The following PTPRD variants were observed in gnomAD, a reference collection of about 807,000 sequenced individuals.
PTPRD encodes protein tyrosine phosphatase receptor type D, also known as receptor-type tyrosine-protein phosphatase delta.
In PTPRD, 34 loss-of-function variants were observed where a neutral mutation model predicts 214.5. The ratio of observed to expected loss-of-function variants is 0.16; its 90% CI spans 0.12 to 0.21. The LOEUF (loss-of-function observed/expected upper bound fraction) is 0.21, where lower values mean the gene tolerates loss of function less well. PTPRD is among the 10% of genes least tolerant of loss of function. The probability of loss-of-function intolerance (pLI) is 1.00; values close to 1 mark genes in which losing one functional copy is unlikely to be tolerated. For synonymous variants in PTPRD, 1,128 were observed against 845.7 expected (o/e 1.33, Z -5.79); for missense variants, 2,545 against 2,398.7 (o/e 1.06, Z -1.27).
intron 4 of PTPRD, among the ~76,000 whole-genome samples, chr9:9,946,924 A>G (rs1264368838): frequency 1.3e-5 from 2 of 152,064 alleles, no homozygotes; most frequent in Non-Finnish European, 2.9e-5. Flanking sequence ...TATCATTTTT[A>G]CAATGCAAAT....
At chr9:9,819,973 T>G (rs2761757) in intron 5 of PTPRD, among the ~76,000 whole-genome samples, 35,192 of 152,066 alleles carry the variant, frequency 0.23, 5,057 homozygotes, top group African/African-American at 0.4. Context: ...CGTGTCTTTT[T>G]GGTAGAACAG....
chr9:8,890,073 T>C (rs2098525620), intron 11 of PTPRD, among the ~76,000 whole-genome samples: 1 of 152,162 alleles, frequency 6.6e-6, no homozygotes, highest in Non-Finnish European at 1.5e-5. Context: ...TTGCATTCCC[T>C]CCAGTAGTGT....
At chr9:10,024,059 A>G (rs190918588) in intron 4 of PTPRD, among the ~76,000 whole-genome samples, 110 of 152,252 alleles carry the variant, frequency 7.2e-4, no homozygotes, top group African/African-American at 2.6e-3. Flanking sequence ...TATATTTTCA[A>G]TCATTTTTAG....
intron 4 of PTPRD, among the ~76,000 whole-genome samples, chr9:9,984,403 T>C (rs1266203578): frequency 6.6e-6 from 1 of 152,154 alleles, no homozygotes; most frequent in Non-Finnish European, 1.5e-5. Context: ...CAGACCTTAT[T>C]GGAGAAGATG....
At chr9:9,717,725 C>G (rs1008331028) in intron 7 of PTPRD, among the ~76,000 whole-genome samples, 19 of 152,144 alleles carry the variant, frequency 1.2e-4, no homozygotes, top group African/African-American at 4.6e-4. Context: ...GAATACCAAG[C>G]CAGATTTCTG....
intron 11 of PTPRD, among the ~76,000 whole-genome samples, chr9:8,808,582 G>A (rs2096736057): frequency 1.3e-5 from 2 of 150,280 alleles, no homozygotes; most frequent in African/African-American, 4.9e-5. Context: ...GTTAATCCTG[G>A]CCCACTGTAT....
intron 12 of PTPRD, among the ~76,000 whole-genome samples, chr9:8,728,944 C>T (rs1297894941): frequency 1.3e-5 from 2 of 152,144 alleles, no homozygotes; most frequent in Admixed American, 1.3e-4. Context: ...CACACCACTG[C>T]ACTCCAGCCT....
intron 2 of PTPRD, among the ~76,000 whole-genome samples, chr9:10,503,213 A>AAAAC (rs1555437451): frequency 1.3e-4 from 20 of 149,580 alleles, no homozygotes; most frequent in African/African-American, 4.9e-4. Context: ...AAAAACAAAA[A>AAAAC]AAAACACCAT....
At chr9:9,307,616 G>A (rs1957540350) in intron 9 of PTPRD, among the ~76,000 whole-genome samples, 1 of 151,854 alleles carries the variant, frequency 6.6e-6, no homozygotes. Flanking sequence ...ATTATTTCTT[G>A]ACTACCCCAG....
At chr9:9,057,824 G>T (rs1178606570) in intron 10 of PTPRD, among the ~76,000 whole-genome samples, 1 of 152,086 alleles carries the variant, frequency 6.6e-6, no homozygotes, top group East Asian at 1.9e-4. Flanking sequence ...GCATGCTTCT[G>T]AGTAGCTGTT....
chr9:9,303,615 T>C (rs1234616466), intron 9 of PTPRD, among the ~76,000 whole-genome samples: 2 of 152,086 alleles, frequency 1.3e-5, no homozygotes, highest in Non-Finnish European at 2.9e-5. Context: ...CATCTACAAT[T>C]AGATTCAAGA....
At chr9:9,114,159 G>A (rs1428942567) in intron 10 of PTPRD, among the ~76,000 whole-genome samples, 2 of 152,150 alleles carry the variant, frequency 1.3e-5, no homozygotes, top group Non-Finnish European at 2.9e-5. Flanking sequence ...AAAACAAGAA[G>A]ACTGCAGGCC....
At chr9:9,123,855 TCA>T (rs1441449471) in intron 10 of PTPRD, among the ~76,000 whole-genome samples, 1 of 152,092 alleles carries the variant, frequency 6.6e-6, no homozygotes, top group African/African-American at 2.4e-5. Context: ...CCACAATGAA[TCA>T]CAGTCAACCA....
intron 8 of PTPRD, among the ~76,000 whole-genome samples, chr9:9,545,688 G>A (rs910797965): frequency 6.6e-6 from 1 of 151,668 alleles, no homozygotes; most frequent in Non-Finnish European, 1.5e-5. Flanking sequence ...TCTTTCATCA[G>A]TATCACACTG....
At chr9:10,191,251 T>C (rs1157441144) in intron 3 of PTPRD, among the ~76,000 whole-genome samples, 1 of 152,032 alleles carries the variant, frequency 6.6e-6, no homozygotes, top group East Asian at 1.9e-4. Flanking sequence ...CTCTGAGAAA[T>C]ATATTAATAT....
intron 11 of PTPRD, among the ~76,000 whole-genome samples, chr9:8,946,843 A>C (rs1256403930): frequency 6.6e-6 from 1 of 151,496 alleles, no homozygotes; most frequent in Admixed American, 6.6e-5. Context: ...CTATTTTCAT[A>C]ATTTTCTCTT....
At position 9,837,265 on chromosome 9, in the gene PTPRD, A is replaced by G. The variant is rs145208525; in HGVS notation, c.-367-70414T>C. Among the ~76,000 whole-genome samples the G allele has an allele frequency of 5.1e-4, 77 of 152,264 alleles. No homozygotes were observed. In the East Asian group the frequency reaches 0.014, roughly 28 times the overall value. Reference sequence around the variant, plus strand: ...ATCCAGGAATACCGTAGCTGACACTAGGTGAGTGATGAAAATATGGGACTA... The same window carrying G: ...ATCCAGGAATACCGTAGCTGACACTGGGTGAGTGATGAAAATATGGGACTA... On this transcript the variant is annotated intron_variant, in intron 5 of 45. Transcript: ENST00000381196.
intron 11 of PTPRD, among the ~76,000 whole-genome samples, chr9:8,798,485 G>A (rs977450078): frequency 5.9e-5 from 9 of 152,082 alleles, no homozygotes; most frequent in Admixed American, 2.6e-4. Context: ...TTACTCACAG[G>A]AAAAAGATTA....
intron 36 of PTPRD, among the ~76,000 whole-genome samples, chr9:8,396,678 G>T (rs1387971040): frequency 6.6e-6 from 1 of 152,040 alleles, no homozygotes; most frequent in Non-Finnish European, 1.5e-5. Flanking sequence ...CTCTTTTCCG[G>T]GTAAGAAACA....
Sources: allele counts gnomAD v4.1 joint callset (sites outside exome capture counted in the v4.1 genomes callset), GRCh38; gene constraint gnomAD v4.1.1; transcripts MANE v1.5; gene names NCBI Gene and HGNC (gene_info 2026-07-23, HGNC 2026-07-21).